Variants in TTC21B observed in about 807,000 individuals in gnomAD.
TTC21B encodes the protein tetratricopeptide repeat protein 21B.
Under a neutral mutation model 175.1 loss-of-function variants are expected in TTC21B, and 127 were observed. That is an observed-to-expected ratio of 0.73 (90% CI 0.63 to 0.84). TTC21B has a LOEUF of 0.84. Ranked by LOEUF, TTC21B falls within the 40% of genes least tolerant of loss-of-function variation. TTC21B has a pLI of 0.00. For synonymous variants in TTC21B, 524 were observed against 524.5 expected (o/e 1.00, Z 0.01); for missense variants, 1,561 against 1,558.3 (o/e 1.00, Z -0.03).
At chr2:165,889,882 T>G (rs1685129237) in intron 24 of TTC21B, among the ~76,000 whole-genome samples, 1 of 152,174 alleles carries the variant, frequency 6.6e-6, no homozygotes, top group Admixed American at 6.5e-5. Flanking sequence ...ATTCCCTTTA[T>G]GTCCTAATAC....
chr2:165,911,579 G>A (rs1309259695), intron 17 of TTC21B, 114 bp from the exon 18 acceptor site: 7 of 1,250,688 alleles, frequency 5.6e-6, no homozygotes, highest in African/African-American at 1.5e-5. Flanking sequence ...TAACCAGGAA[G>A]AATTGTAGGC....
At chr2:165,887,226 T>C (rs1685025658) in intron 25 of TTC21B, among the ~76,000 whole-genome samples, 1 of 152,206 alleles carries the variant, frequency 6.6e-6, no homozygotes, top group East Asian at 1.9e-4. Flanking sequence ...ACAGCAAAAT[T>C]CTGTATGTTC....
chr2:165,945,784 C>A, intron 3 of TTC21B, 94 bp from the exon 4 acceptor site: 1 of 1,271,974 alleles, frequency 7.9e-7, no homozygotes, highest in South Asian at 1.3e-5. Flanking sequence ...ATTTACTTCT[C>A]TCTATAGTGG....
intron 13 of TTC21B, 28 bp downstream of exon 13, chr2:165,919,248 C>T: frequency 6.2e-7 from 1 of 1,612,254 alleles, no homozygotes; most frequent in South Asian, 1.1e-5. Context: ...GGTGATATGT[C>T]TTATCCACTT....
At position 165,874,498 on chromosome 2, in the gene TTC21B, T is replaced by C. The variant is rs562699518; in HGVS notation, c.*257A>G. 5.6e-6 allele frequency: 2 copies of C among 356,396 alleles called. No individual in the cohort carries two copies. The highest frequency in any genetic ancestry group is 1.0e-4 in the East Asian group (2 of 19,852). The allele number at this position is 356,396 out of a possible 1,614,324, so 22.1% of individuals were successfully genotyped here. A position where few individuals can be genotyped will look rare whatever the true frequency, so the allele number is the denominator to read the frequency against. The stretch of plus-strand genomic sequence containing the variant: ...ACAAAATATTCTTTATAGAAATAAT[T>C]ATAGTCTTTACCACAGAGTCACCAA... On this transcript the variant is annotated 3_prime_UTR_variant, in exon 29 of 29. Coordinates refer to ENST00000243344, the MANE Select transcript of TTC21B (RefSeq NM_024753.5).
chr2:165,951,269 G>T (rs2045693), intron 1 of TTC21B, among the ~76,000 whole-genome samples: 3 of 152,154 alleles, frequency 2.0e-5, no homozygotes, highest in Admixed American at 2.0e-4. Context: ...TAAAAAGGAC[G>T]CGAATTTAAA....
intron 6 of TTC21B, among the ~76,000 whole-genome samples, chr2:165,936,909 A>C (rs1237676061): frequency 6.6e-6 from 1 of 152,000 alleles, no homozygotes; most frequent in Non-Finnish European, 1.5e-5. Flanking sequence ...AGAAAACTAA[A>C]TATACTCCTA....
At chr2:165,944,062 C>G (rs987247464) in intron 4 of TTC21B, among the ~76,000 whole-genome samples, 56 of 152,104 alleles carry the variant, frequency 3.7e-4, no homozygotes, top group Non-Finnish European at 7.5e-4. Context: ...ATTTACCTCC[C>G]TGTATTTCAC....
chr2:165,877,072 C>T (rs1008393367), intron 27 of TTC21B, among the ~76,000 whole-genome samples: 1 of 152,152 alleles, frequency 6.6e-6, no homozygotes, highest in Non-Finnish European at 1.5e-5. Flanking sequence ...ATGTTGTTCT[C>T]TTGTAACATG....
At position 165,912,609 on chromosome 2, in the gene TTC21B, C is replaced by T. The variant is rs183367929; in HGVS notation, c.2227G>A (p.Val743Ile). Reference sequence around the variant, plus strand: ...TGATTTAATGCTTGCTCATATGCTACTATGGCTTCTTCAGGCTAATATTGC... The same window carrying T: ...TGATTTAATGCTTGCTCATATGCTATTATGGCTTCTTCAGGCTAATATTGC... ...MNILEPEEAI[V>I]AYEQALNQNP... The change falls in exon 17 of 29, where the codon GTA becomes ATA. Residue 743 changes from valine to isoleucine, a missense_variant. Physicochemically the swap from Val to Ile is conservative, Grantham distance 29. Transcript: ENST00000243344. 200 of 1,613,992 alleles carry T rather than the reference C, an allele frequency of 1.2e-4. No homozygotes were observed. The African/African-American group carries it at 1.5e-3, about 12-fold the overall frequency.
Position 165,912,458 on chromosome 2 carries a change from G to C in TTC21B, c.2322+56C>G, listed in dbSNP as rs528050991. On this transcript the variant is annotated intron_variant, in intron 17 of 28. Transcript: ENST00000243344. ...ATGGTGCTCGCTGAAGCTTCTCGAG[G>C]ACAGGGTATGATAAATTTGATGCAA... 3.0e-6 allele frequency: 4 copies of C among 1,347,252 alleles called. No individual in the cohort carries two copies. In the East Asian group the frequency reaches 9.2e-5, roughly 31 times the overall value. 83.5% of individuals were successfully genotyped at this position (1,347,252 alleles called of 1,614,324 possible).
rs770810423 is a variant in TTC21B, at chr2:165,919,453, A to G, written c.1517-20T>C. 8.7e-6 allele frequency: 14 copies of G among 1,611,612 alleles called. No individual in the cohort carries two copies. Among genetic ancestry groups the G allele is most frequent in the East Asian group, 4.5e-5 (2 of 44,826 alleles). The stretch of plus-strand genomic sequence containing the variant: ...TATCACCTAATAAGAAAAACAATGC[A>G]TTGTTATAATTCAAATGATTAAGAA... On this transcript the variant is annotated intron_variant, in intron 12 of 28. Coordinates refer to ENST00000243344, the MANE Select transcript of TTC21B (RefSeq NM_024753.5).
rs746484757 is a variant in TTC21B, at chr2:165,940,903, C to T, written c.710+124G>A. 3.1e-4 allele frequency: 297 copies of T among 954,566 alleles called. 2 individuals are homozygous for T. Among genetic ancestry groups the T allele is most frequent in the Non-Finnish European group, 1.1e-4 (68 of 623,574 alleles). The allele number at this position is 954,566 out of a possible 1,614,324, so 59.1% of individuals were successfully genotyped here. A position where few individuals can be genotyped will look rare whatever the true frequency, so the allele number is the denominator to read the frequency against. ...AGCAGTATGATTTTAAGTATTTCCT[C>T]GGTTCCACACTGTTTGAAAAAAATC... is the stretch of plus-strand genomic sequence containing the variant. On this transcript the variant is annotated intron_variant, in intron 6 of 28. Coordinates refer to ENST00000243344, the MANE Select transcript of TTC21B (RefSeq NM_024753.5).
chr2:165,917,917 A>C (rs1686238071), intron 13 of TTC21B, among the ~76,000 whole-genome samples: 1 of 152,200 alleles, frequency 6.6e-6, no homozygotes, highest in African/African-American at 2.4e-5. Context: ...CATTTTAATC[A>C]AACATTGACC....
intron 22 of TTC21B, among the ~76,000 whole-genome samples, chr2:165,896,074 C>CT (rs1685351655): frequency 6.6e-6 from 1 of 151,860 alleles, no homozygotes; most frequent in Admixed American, 6.6e-5. Context: ...ATATCTAGTT[C>CT]TTTGAGTTGC....
chr2:165,913,907 A>T (rs754896802), intron 15 of TTC21B, among the ~76,000 whole-genome samples: 2 of 152,138 alleles, frequency 1.3e-5, no homozygotes, highest in Non-Finnish European at 2.9e-5. Flanking sequence ...GTAAATATCT[A>T]GGTTCTCCTT....
chr2:165,902,898 G>C (rs914179182), intron 19 of TTC21B, among the ~76,000 whole-genome samples: 3 of 152,164 alleles, frequency 2.0e-5, no homozygotes, highest in African/African-American at 7.2e-5. Context: ...TTAGCCATTA[G>C]GAAAGTAGAA....
intron 24 of TTC21B, among the ~76,000 whole-genome samples, chr2:165,890,102 T>C (rs1251039726): frequency 6.6e-6 from 1 of 152,214 alleles, no homozygotes; most frequent in Admixed American, 6.5e-5. Flanking sequence ...GTAGAAAGTA[T>C]AGAGGACAGG....
At chr2:165,951,335 T>C (rs1211896439) in intron 1 of TTC21B, among the ~76,000 whole-genome samples, 1 of 152,170 alleles carries the variant, frequency 6.6e-6, no homozygotes, top group Non-Finnish European at 1.5e-5. Context: ...ATTTATAAAA[T>C]GCTGTTAGTA....
Sources: gnomAD v4.1 joint callset for allele counts (sites outside exome capture counted in the v4.1 genomes callset) on GRCh38, gnomAD v4.1.1 for gene constraint, MANE v1.5 for transcripts, NCBI Gene and HGNC (gene_info 2026-07-23, HGNC 2026-07-21) for gene names.